The following USP13 variants were observed in gnomAD, a reference collection of about 807,000 sequenced individuals.
USP13 encodes the protein ubiquitin carboxyl-terminal hydrolase 13.
USP13 carries 68 observed loss-of-function variants against 107.8 expected under a neutral mutation model. That is an observed-to-expected ratio of 0.63 (90% CI 0.52 to 0.77). The LOEUF (loss-of-function observed/expected upper bound fraction) is 0.77, where lower values mean the gene tolerates loss of function less well. Ranked by LOEUF, USP13 falls within the 30% of genes least tolerant of loss-of-function variation. The pLI, the probability that USP13 is intolerant of heterozygous loss-of-function variation, is 0.00. For synonymous variants in USP13, 377 were observed against 389.5 expected (o/e 0.97, Z 0.38); for missense variants, 945 against 1,093.3 (o/e 0.86, Z 1.91).
chr3:179,656,654 A>G (rs978577373), intron 1 of USP13, among the ~76,000 whole-genome samples: 1 of 152,248 alleles, frequency 6.6e-6, no homozygotes, highest in Non-Finnish European at 1.5e-5. Context: ...AAGGTCTGTA[A>G]TGCACCTTCC....
intron 17 of USP13, among the ~76,000 whole-genome samples, chr3:179,762,278 C>T (rs545958909): frequency 2.0e-5 from 3 of 152,266 alleles, no homozygotes; most frequent in East Asian, 3.9e-4. Context: ...TTCCTTTTTA[C>T]GGTAAAATAA....
At chr3:179,755,084 GT>G (rs548080204) in intron 15 of USP13, among the ~76,000 whole-genome samples, 14 of 151,672 alleles carry the variant, frequency 9.2e-5, no homozygotes, top group African/African-American at 3.1e-4. Flanking sequence ...GAAATGGACA[GT>G]TTTTTTTTGT....
chr3:179,743,749 A>G (rs1020208237), intron 12 of USP13, among the ~76,000 whole-genome samples: 2 of 151,810 alleles, frequency 1.3e-5, no homozygotes, highest in South Asian at 4.2e-4. Context: ...TTTTTCAGAA[A>G]GGAGATTTAT....
In USP13 at chr3:179,739,307, C is replaced by T. The variant is rs531289950; in HGVS notation, c.1255-940C>T. 3.3e-5 allele frequency among the ~76,000 whole-genome samples: 5 copies of T among 152,368 alleles called. No individual in the cohort carries two copies. The East Asian group carries it at 9.6e-4, about 29-fold the overall frequency. ...TGCCCTGCTGCCTGTTCTTCCCCCGCAGCCTTTCTAGCAGCTGCAGCCAGG... is the reference window on the plus strand; with the variant it reads ...TGCCCTGCTGCCTGTTCTTCCCCCGTAGCCTTTCTAGCAGCTGCAGCCAGG... On this transcript the variant is annotated intron_variant, in intron 10 of 20. Coordinates refer to ENST00000263966, the MANE Select transcript of USP13 (RefSeq NM_003940.3).
chr3:179,682,090 T>C (rs1273388482), intron 2 of USP13, 87 bp downstream of exon 2: 3 of 1,488,884 alleles, frequency 2.0e-6, no homozygotes, highest in East Asian at 2.4e-5. Flanking sequence ...AATTTGACCA[T>C]GCCCACATAA....
intron 15 of USP13, among the ~76,000 whole-genome samples, chr3:179,756,413 AAAACAAACAAACAAAC>A (rs71628093): frequency 0.011 from 1,681 of 150,300 alleles, 37 homozygotes; most frequent in African/African-American, 0.04. Context: ...CTGTCTCAAA[AAAACAAACAAACAAAC>A]AAACAAACAA....
At chr3:179,729,183 G>C (rs1713699557) in intron 8 of USP13, among the ~76,000 whole-genome samples, 1 of 152,166 alleles carries the variant, frequency 6.6e-6, no homozygotes, top group Non-Finnish European at 1.5e-5. Flanking sequence ...TTATAAACAA[G>C]GAGTTGGGTG....
chr3:179,701,618 A>G (rs1215332515), intron 4 of USP13, among the ~76,000 whole-genome samples: 2 of 152,248 alleles, frequency 1.3e-5, no homozygotes, highest in Non-Finnish European at 2.9e-5. Context: ...AGTTACAAAA[A>G]GAACAAAGCA....
chr3:179,687,344 C>A (rs1711906504), intron 2 of USP13, among the ~76,000 whole-genome samples: 1 of 152,028 alleles, frequency 6.6e-6, no homozygotes, highest in Non-Finnish European at 1.5e-5. Flanking sequence ...CTGTTCTTGT[C>A]TGAGTGCTCA....
At position 179,655,548 on chromosome 3, in the gene USP13, G is replaced by GTTTTTTTTTTTTTTTT. The variant is rs150977876; in HGVS notation, c.168+2163_168+2164insTTTTTTTTTTTTTTTT. Among the ~76,000 whole-genome samples, 36 of 131,386 alleles carry GTTTTTTTTTTTTTTTT rather than the reference G, an allele frequency of 2.7e-4. 1 individual carries two copies. Among genetic ancestry groups the GTTTTTTTTTTTTTTTT allele is most frequent in the East Asian group, 1.7e-3 (7 of 4,184 alleles). The allele number at this position is 131,386 out of a possible 152,430, so 86.2% of individuals were successfully genotyped here. A position where few individuals can be genotyped will look rare whatever the true frequency, so the allele number is the denominator to read the frequency against. On this transcript the variant is annotated intron_variant, in intron 1 of 20. Transcript: ENST00000263966. ...AAGCACAGTGCGTGATAATGGGAAG[G>GTTTTTTTTTTTTTTTT]TTTTTTTTGTTTTGTTTTGTTTTTT...
chr3:179,693,207 G>T (rs933846375), intron 3 of USP13, among the ~76,000 whole-genome samples: 8 of 151,890 alleles, frequency 5.3e-5, no homozygotes, highest in Non-Finnish European at 1.0e-4. Context: ...GGAGTGCAGT[G>T]CCACAATCAT....
chr3:179,697,725 A>G (rs913201447), intron 3 of USP13, among the ~76,000 whole-genome samples: 2 of 152,090 alleles, frequency 1.3e-5, no homozygotes, highest in Non-Finnish European at 2.9e-5. Flanking sequence ...ATTTTAGGTT[A>G]TACTTAGGGC....
At chr3:179,656,271 T>C (rs1243414581) in intron 1 of USP13, among the ~76,000 whole-genome samples, 2 of 152,334 alleles carry the variant, frequency 1.3e-5, no homozygotes, top group Non-Finnish European at 2.9e-5. Context: ...GAGTAGATGA[T>C]GGGGGCCTTG....
intron 20 of USP13, among the ~76,000 whole-genome samples, chr3:179,783,098 A>G (rs753932442): frequency 6.6e-6 from 1 of 152,202 alleles, no homozygotes; most frequent in African/African-American, 2.4e-5. Context: ...TAGCGCTTTA[A>G]AAAACACTTT....
intron 3 of USP13, among the ~76,000 whole-genome samples, chr3:179,690,738 A>G (rs1271263264): frequency 6.6e-6 from 1 of 152,040 alleles, no homozygotes; most frequent in Non-Finnish European, 1.5e-5. Context: ...ACGACTGGCT[A>G]ATTTTTTGTA....
At position 179,653,366 on chromosome 3, in the gene USP13, C is replaced by T. The variant is rs2276803; in HGVS notation, c.141C>T (p.Asn47=). ...VPRSGDRVYK[N]ECAFSYDSPN... The stretch of plus-strand genomic sequence containing the variant: ...GGTCCGGCGACAGGGTCTACAAGAA[C>T]GAGTGCGCCTTCTCCTACGACTCTC... The change falls in exon 1 of 21, where the codon AAC becomes AAT. Residue 47 remains asparagine, a synonymous_variant. Transcript: ENST00000263966. The surrounding 1 kb of genome is among the most constrained non-coding windows in gnomAD (Gnocchi z 4.0). 259,698 of 1,571,076 alleles carry T rather than the reference C, an allele frequency of 0.17. 22,986 individuals are homozygous for T. The highest frequency in any genetic ancestry group is 0.33 in the African/African-American group (24,773 of 74,018).
At chr3:179,702,669 G>T (rs1712577582) in intron 4 of USP13, among the ~76,000 whole-genome samples, 1 of 152,104 alleles carries the variant, frequency 6.6e-6, no homozygotes, top group East Asian at 1.9e-4. Flanking sequence ...TTTATTTATT[G>T]TGCCTCTTCT....
intron 1 of USP13, among the ~76,000 whole-genome samples, chr3:179,680,290 T>G (rs1003637229): frequency 6.6e-6 from 1 of 152,206 alleles, no homozygotes; most frequent in African/African-American, 2.4e-5. Flanking sequence ...TCATCCTTTA[T>G]TATGTACTTA....
intron 8 of USP13, among the ~76,000 whole-genome samples, chr3:179,724,911 C>CTT (rs750176849): frequency 1.3e-5 from 2 of 152,174 alleles, no homozygotes; most frequent in Non-Finnish European, 2.9e-5. Flanking sequence ...GCAAAGTGAA[C>CTT]TTTTCTGACA....
Sources: gnomAD v4.1 joint callset for allele counts (sites outside exome capture counted in the v4.1 genomes callset) on GRCh38, gnomAD v4.1.1 for gene constraint, Gnocchi (gnomAD v3.1) non-coding constraint, MANE v1.5 for transcripts, NCBI Gene and HGNC (gene_info 2026-07-23, HGNC 2026-07-21) for gene names.